ALCAM: variants seen among roughly 807,000 people sequenced by gnomAD.
ALCAM encodes the protein CD166 antigen.
Under a neutral mutation model 70.9 loss-of-function variants are expected in ALCAM, and 30 were observed. The ratio of observed to expected loss-of-function variants is 0.42; its 90% CI spans 0.32 to 0.57. ALCAM has a LOEUF of 0.57. Among genes scored for constraint, ALCAM ranks in the 20% least tolerant of loss-of-function variants. ALCAM has a pLI of 0.11. For missense variants in ALCAM, 591 were observed against 695.1 expected, an observed-to-expected ratio of 0.85 and a Z score of 1.68; for synonymous variants, 249 against 242.5, an observed-to-expected ratio of 1.03 and a Z score of -0.25.
At chr3:105,389,132 T>C (rs1935731802) in intron 1 of ALCAM, among the ~76,000 whole-genome samples, 1 of 151,344 alleles carries the variant, frequency 6.6e-6, no homozygotes, top group African/African-American at 2.4e-5. Context: ...ACAAGAAAAG[T>C]GGAAGGTATG....
rs1163314480 is a variant in ALCAM, at chr3:105,575,629, G to C, written c.*1178G>C. On this transcript the variant is annotated 3_prime_UTR_variant, in exon 16 of 16. Coordinates refer to ENST00000306107, the MANE Select transcript of ALCAM (RefSeq NM_001627.4). Reference sequence around the variant, plus strand: ...TTCAAATTTGTAACTTTATAAACATGTTTTATGCTTGAGGAAATTTTTAAG... The same window carrying C: ...TTCAAATTTGTAACTTTATAAACATCTTTTATGCTTGAGGAAATTTTTAAG... The C allele has an allele frequency of 2.0e-5, 3 of 152,492 alleles. No homozygotes were observed. The highest frequency in any genetic ancestry group is 4.4e-5 in the Non-Finnish European group (3 of 67,994). 9.4% of individuals were successfully genotyped at this position (152,492 alleles called of 1,614,324 possible).
intron 8 of ALCAM, 74 bp from the exon 9 acceptor site, chr3:105,545,149 C>G: frequency 3.0e-6 from 3 of 1,003,360 alleles, no homozygotes; most frequent in Non-Finnish European, 4.8e-6. Flanking sequence ...TTTCTTTCAT[C>G]TTTTCTTCTC....
intron 11 of ALCAM, among the ~76,000 whole-genome samples, chr3:105,547,737 A>C (rs1940287689): frequency 1.3e-5 from 2 of 151,554 alleles, no homozygotes; most frequent in South Asian, 2.1e-4. Flanking sequence ...GAGAAATTTT[A>C]TCCCAGGGCC....
At chr3:105,390,023 T>C (rs6797043) in intron 1 of ALCAM, among the ~76,000 whole-genome samples, 39,857 of 151,822 alleles carry the variant, frequency 0.26, 5,570 homozygotes, top group African/African-American at 0.35. Flanking sequence ...TCTTTGCTAC[T>C]GTGAATAGTG....
At chr3:105,499,065 G>A (rs1356031457) in intron 1 of ALCAM, among the ~76,000 whole-genome samples, 1 of 151,994 alleles carries the variant, frequency 6.6e-6, no homozygotes, top group Non-Finnish European at 1.5e-5. Context: ...GCAAATGAAT[G>A]ACAACAAATT....
chr3:105,427,009 C>G (rs945014156), intron 1 of ALCAM, among the ~76,000 whole-genome samples: 3 of 151,732 alleles, frequency 2.0e-5, no homozygotes, highest in Non-Finnish European at 2.9e-5. Flanking sequence ...CCAAGTGGGA[C>G]TGTTCTGTCC....
intron 1 of ALCAM, among the ~76,000 whole-genome samples, chr3:105,468,617 A>G (rs985469129): frequency 4.6e-5 from 7 of 151,246 alleles, no homozygotes; most frequent in African/African-American, 1.5e-4. Context: ...TGCTGGTATA[A>G]TGTACTTTGC....
At chr3:105,389,456 A>G (rs750524504) in intron 1 of ALCAM, among the ~76,000 whole-genome samples, 1 of 144,860 alleles carries the variant, frequency 6.9e-6, no homozygotes, top group Non-Finnish European at 1.5e-5. Flanking sequence ...GCCTGCGAAT[A>G]TGAGATAGGA....
At chr3:105,533,529 C>G (rs1939895620) in intron 4 of ALCAM, 74 bp from the exon 5 acceptor site, 1 of 1,320,490 alleles carries the variant, frequency 7.6e-7, no homozygotes. Flanking sequence ...TCTGCATTGC[C>G]TGAGTTTCTG....
At chr3:105,512,265 A>C (rs570493885) in intron 1 of ALCAM, among the ~76,000 whole-genome samples, 205 of 152,084 alleles carry the variant, frequency 1.3e-3, no homozygotes, top group Non-Finnish European at 2.4e-3. Flanking sequence ...GTTCTTTCTG[A>C]AGACAGACTT....
At chr3:105,556,586 G>A (rs1940522254) in intron 14 of ALCAM, among the ~76,000 whole-genome samples, 1 of 151,854 alleles carries the variant, frequency 6.6e-6, no homozygotes, top group Admixed American at 6.6e-5. Flanking sequence ...TGGCTGAAGG[G>A]CTAAAGAGGA....
intron 1 of ALCAM, among the ~76,000 whole-genome samples, chr3:105,381,846 C>T (rs1322007756): frequency 1.3e-5 from 2 of 151,778 alleles, no homozygotes; most frequent in African/African-American, 2.4e-5. Flanking sequence ...AATCTTTTCT[C>T]CCCTCTGCCA....
At chr3:105,526,848 CCT>C (rs1354869278) in intron 3 of ALCAM, among the ~76,000 whole-genome samples, 1 of 152,086 alleles carries the variant, frequency 6.6e-6, no homozygotes, top group African/African-American at 2.4e-5. Flanking sequence ...ATCAATCAGT[CCT>C]CTGTTTCCCT....
At chr3:105,431,731 T>C (rs1337016316) in intron 1 of ALCAM, among the ~76,000 whole-genome samples, 2 of 152,106 alleles carry the variant, frequency 1.3e-5, no homozygotes, top group African/African-American at 2.4e-5. Context: ...CATGGGTGTG[T>C]GTTTATTATT....
intron 8 of ALCAM, among the ~76,000 whole-genome samples, chr3:105,542,225 T>G (rs971030231): frequency 2.6e-5 from 4 of 151,846 alleles, no homozygotes; most frequent in African/African-American, 9.7e-5. Context: ...GTAGAGATCA[T>G]TAGAAGTTAT....
intron 9 of ALCAM, among the ~76,000 whole-genome samples, chr3:105,545,940 C>G (rs182441495): frequency 6.6e-6 from 1 of 151,516 alleles, no homozygotes; most frequent in Admixed American, 6.6e-5. Context: ...TATCCCTGAG[C>G]TATAGTAGAA....
chr3:105,490,265 C>T (rs944583799), intron 1 of ALCAM, among the ~76,000 whole-genome samples: 2 of 152,202 alleles, frequency 1.3e-5, no homozygotes, highest in Non-Finnish European at 2.9e-5. Context: ...CCTACCCTTT[C>T]ACAAGCATTC....
intron 1 of ALCAM, among the ~76,000 whole-genome samples, chr3:105,505,591 G>C (rs554090269): frequency 3.3e-4 from 50 of 152,192 alleles, no homozygotes; most frequent in Non-Finnish European, 4.9e-4. Flanking sequence ...CCAATCAATA[G>C]CTTTATGTCC....
At chr3:105,556,066 C>G (rs1940509968) in intron 14 of ALCAM, among the ~76,000 whole-genome samples, 1 of 151,936 alleles carries the variant, frequency 6.6e-6, no homozygotes, top group Admixed American at 6.6e-5. Context: ...TGGTTACCTT[C>G]TACTATGTTT....
Sources: allele counts gnomAD v4.1 joint callset (sites outside exome capture counted in the v4.1 genomes callset), GRCh38; gene constraint gnomAD v4.1.1; transcripts MANE v1.5; gene names NCBI Gene and HGNC (gene_info 2026-07-23, HGNC 2026-07-21).